The following NAALADL2 variants were observed in gnomAD, a reference collection of about 807,000 sequenced individuals.
The protein encoded by NAALADL2 is N-acetylated alpha-linked acidic dipeptidase like 2, also known as inactive N-acetylated-alpha-linked acidic dipeptidase-like protein 2.
A neutral mutation model predicts 87.2 loss-of-function variants in NAALADL2; 76 were observed. That is an observed-to-expected ratio of 0.87 (90% CI 0.72 to 1.05). The LOEUF is 1.05. NAALADL2 is among the 50% of genes least tolerant of loss of function. The pLI is 0.00. For missense variants in NAALADL2, 1,089 were observed against 945.8 expected (o/e 1.15, Z -1.99); for synonymous variants, 354 against 331.0 (o/e 1.07, Z -0.75).
chr3:175,084,952 A>G (rs1034732158), intron 1 of NAALADL2, among the ~76,000 whole-genome samples: 5 of 152,186 alleles, frequency 3.3e-5, no homozygotes, highest in African/African-American at 1.2e-4. Context: ...GTGTGAGTTC[A>G]TATCTTCTCC....
chr3:174,821,672 A>C (rs1056005322), intron 3 of NAALADL2, among the ~76,000 whole-genome samples: 10 of 152,204 alleles, frequency 6.6e-5, no homozygotes, highest in Non-Finnish European at 1.5e-4. Context: ...TTGTCAGCTG[A>C]CTTCAGAAGC....
At chr3:175,110,963 T>A (rs1216196882) in intron 2 of NAALADL2, among the ~76,000 whole-genome samples, 1 of 151,698 alleles carries the variant, frequency 6.6e-6, no homozygotes, top group African/African-American at 2.4e-5. Context: ...TAAGTGCACC[T>A]GGATTAGAAA....
intron 1 of NAALADL2, among the ~76,000 whole-genome samples, chr3:175,061,099 A>G (rs963227301): frequency 3.3e-5 from 5 of 152,190 alleles, no homozygotes; most frequent in African/African-American, 1.2e-4. Flanking sequence ...TAATTTTATA[A>G]ATACATAGTC....
At chr3:174,668,862 A>T (rs1726235023) in intron 2 of NAALADL2, among the ~76,000 whole-genome samples, 1 of 152,200 alleles carries the variant, frequency 6.6e-6, no homozygotes, top group Admixed American at 6.5e-5. Flanking sequence ...TGCTATTATG[A>T]ATAGTGCCGC....
chr3:174,888,212 A>G (rs9820683), intron 1 of NAALADL2, among the ~76,000 whole-genome samples: 47,936 of 152,118 alleles, frequency 0.32, 7,726 homozygotes, highest in African/African-American at 0.37. Context: ...ATCAACAAAA[A>G]CGAGAGCTGT....
chr3:174,463,430 T>G (rs1453147825), intron 1 of NAALADL2, among the ~76,000 whole-genome samples: 1 of 152,164 alleles, frequency 6.6e-6, no homozygotes, highest in Non-Finnish European at 1.5e-5. Flanking sequence ...GAAGGGTTGT[T>G]AGATAAATGA....
rs1754778265 is a variant in NAALADL2, at chr3:175,807,111, T to TACAA, written c.*3912_*3915dup. On this transcript the variant is annotated 3_prime_UTR_variant, in exon 14 of 14. Coordinates refer to ENST00000454872, the MANE Select transcript of NAALADL2 (RefSeq NM_207015.3). ...TGTGGAATATCATGACGAGTAGGCTTACAAACAGTAAAAAGAGACCAGAAA... is the reference window on the plus strand; with the variant it reads ...TGTGGAATATCATGACGAGTAGGCTTACAAACAAACAGTAAAAAGAGACCAGAAA... The TACAA allele has an allele frequency of 3.3e-5, 5 of 151,814 alleles. No homozygotes were observed. The South Asian group carries it at 1.0e-3, about 31-fold the overall frequency. 9.4% of individuals were successfully genotyped at this position (151,814 alleles called of 1,614,324 possible).
rs567252666 is a variant in NAALADL2, at chr3:175,521,962, T to C, written c.1653+50204T>C. On this transcript the variant is annotated intron_variant, in intron 9 of 13. Transcript: ENST00000454872. ...AGGAAAATTCTCAGGATACTATTAG[T>C]AAGAAAAACAATAATCAACATTTTT... Among the ~76,000 whole-genome samples, 19 of 152,300 alleles carry C rather than the reference T, an allele frequency of 1.2e-4. 1 individual carries two copies. Among genetic ancestry groups the C allele is most frequent in the South Asian group, 8.3e-4 (4 of 4,824 alleles).
chr3:175,444,110 A>G (rs1229514405), intron 5 of NAALADL2, among the ~76,000 whole-genome samples: 1 of 152,300 alleles, frequency 6.6e-6, no homozygotes, highest in East Asian at 1.9e-4. Context: ...TTGAAGTATA[A>G]GGTTTGGGAT....
At chr3:174,666,195 T>C (rs78713122) in intron 2 of NAALADL2, among the ~76,000 whole-genome samples, 4,198 of 152,262 alleles carry the variant, frequency 0.028, 154 homozygotes, top group African/African-American at 0.084. Flanking sequence ...AGCATGTAAG[T>C]ATCAGATATT....
chr3:174,694,959 C>A (rs1187446381), intron 2 of NAALADL2, among the ~76,000 whole-genome samples: 1 of 151,920 alleles, frequency 6.6e-6, no homozygotes, highest in Non-Finnish European at 1.5e-5. Flanking sequence ...TTTAAAACCA[C>A]CACTTCTAGA....
intron 2 of NAALADL2, among the ~76,000 whole-genome samples, chr3:174,623,042 C>CA (rs931429236): frequency 4.9e-4 from 73 of 150,504 alleles, no homozygotes; most frequent in African/African-American, 1.6e-3. Context: ...GACTCCGTCT[C>CA]AAAAAAAAAG....
At chr3:175,391,189 G>A (rs939632934) in intron 5 of NAALADL2, among the ~76,000 whole-genome samples, 3 of 152,160 alleles carry the variant, frequency 2.0e-5, no homozygotes, top group African/African-American at 7.2e-5. Context: ...TTCCCTCATT[G>A]AGAAACCCTT....
chr3:174,541,671 G>A (rs1193955796), intron 1 of NAALADL2, among the ~76,000 whole-genome samples: 1 of 152,174 alleles, frequency 6.6e-6, no homozygotes, highest in East Asian at 1.9e-4. Context: ...GTAGAATTCA[G>A]TATGTTTCTT....
chr3:174,538,064 A>G (rs926632771), intron 1 of NAALADL2, among the ~76,000 whole-genome samples: 1 of 152,220 alleles, frequency 6.6e-6, no homozygotes, highest in African/African-American at 2.4e-5. Flanking sequence ...GTAGACATCT[A>G]GAAAATTGAT....
At chr3:174,532,207 G>T (rs1721311965) in intron 1 of NAALADL2, among the ~76,000 whole-genome samples, 1 of 152,200 alleles carries the variant, frequency 6.6e-6, no homozygotes, top group South Asian at 2.1e-4. Context: ...ATGTAGAGAT[G>T]AAGTCAGATC....
intron 5 of NAALADL2, among the ~76,000 whole-genome samples, chr3:175,371,475 G>A (rs756632550): frequency 6.6e-6 from 1 of 152,028 alleles, no homozygotes; most frequent in Non-Finnish European, 1.5e-5. Context: ...CACCGTGTTA[G>A]TCAAGATATG....
rs150891103 is a variant in NAALADL2, at chr3:175,033,923, G to A, written c.44-62867G>A. Among the ~76,000 whole-genome samples the A allele has an allele frequency of 7.7e-3, 1,176 of 152,254 alleles. 33 individuals are homozygous for A. The highest frequency in any genetic ancestry group is 0.032 in the South Asian group (155 of 4,820). On this transcript the variant is annotated intron_variant, in intron 1 of 13. Coordinates refer to ENST00000454872, the MANE Select transcript of NAALADL2 (RefSeq NM_207015.3). ...CTATTTGACATTATCACTTGAATAT[G>A]TAATAGTATCTCAGATAAAACATTT...
intron 2 of NAALADL2, among the ~76,000 whole-genome samples, chr3:175,102,979 T>A (rs971757727): frequency 1.1e-4 from 16 of 151,946 alleles, no homozygotes; most frequent in African/African-American, 3.9e-4. Flanking sequence ...CATGGTGGCA[T>A]GGGCCTGTAG....
Sources: gnomAD v4.1 joint callset for allele counts (sites outside exome capture counted in the v4.1 genomes callset) on GRCh38, gnomAD v4.1.1 for gene constraint, MANE v1.5 for transcripts, NCBI Gene and HGNC (gene_info 2026-07-23, HGNC 2026-07-21) for gene names.